The following ARPC2 variants were observed in gnomAD, a reference collection of about 807,000 sequenced individuals.
ARPC2 encodes actin-related protein 2/3 complex subunit 2.
ARPC2 carries 4 observed loss-of-function variants against 38.6 expected under a neutral mutation model. That is an observed-to-expected ratio of 0.10 (90% confidence interval 0.05 to 0.24). The LOEUF (loss-of-function observed/expected upper bound fraction) is 0.24. ARPC2 is among the 10% of genes least tolerant of loss of function. The pLI is 1.00. For missense variants in ARPC2, 229 were observed against 387.3 expected, an observed-to-expected ratio of 0.59 and a Z score of 3.43; for synonymous variants, 125 against 140.8, an observed-to-expected ratio of 0.89 and a Z score of 0.79.
intron 5 of ARPC2, chr2:218,234,802 A>G (rs1242621688): frequency 8.7e-6 from 4 of 460,256 alleles, no homozygotes; most frequent in Admixed American, 4.7e-5. Context: ...TCACCACACT[A>G]TTCTTGTGAT....
At chr2:218,242,512 T>C (rs566854120) in intron 7 of ARPC2, among the ~76,000 whole-genome samples, 20 of 152,352 alleles carry the variant, frequency 1.3e-4, no homozygotes, top group South Asian at 4.1e-4. Flanking sequence ...TGGGTATGTC[T>C]GTAGGATATT....
At chr2:218,240,002 T>A (rs7581857) in intron 7 of ARPC2, among the ~76,000 whole-genome samples, 60,174 of 151,882 alleles carry the variant, frequency 0.4, 12,551 homozygotes, top group Middle Eastern at 0.52. Flanking sequence ...GTCGCCAGGC[T>A]GGAGTGTAGT....
chr2:218,250,488 C>T (rs2106160841), intron 10 of ARPC2, among the ~76,000 whole-genome samples: 1 of 152,084 alleles, frequency 6.6e-6, no homozygotes, highest in African/African-American at 2.4e-5. Context: ...ACGGTGAAAC[C>T]CCATCTTTAC....
intron 4 of ARPC2, among the ~76,000 whole-genome samples, chr2:218,232,233 TC>T (rs1192241186): frequency 6.6e-6 from 1 of 151,600 alleles, no homozygotes; most frequent in Admixed American, 6.6e-5. Context: ...AGAGTGAGAC[TC>T]CGTCTCAAAA....
chr2:218,248,626 A>C (rs1211441510), intron 8 of ARPC2, among the ~76,000 whole-genome samples: 1 of 152,142 alleles, frequency 6.6e-6, no homozygotes, highest in African/African-American at 2.4e-5. Flanking sequence ...ACATGTGGCT[A>C]ATTTTTATAT....
chr2:218,237,377 T>C (rs1288909627), intron 5 of ARPC2, among the ~76,000 whole-genome samples: 2 of 151,980 alleles, frequency 1.3e-5, no homozygotes, highest in Non-Finnish European at 2.9e-5. Flanking sequence ...TTTTGTATTT[T>C]TATTAGAGAC....
At chr2:218,219,954 T>G (rs1559474011) in intron 2 of ARPC2, among the ~76,000 whole-genome samples, 1 of 152,114 alleles carries the variant, frequency 6.6e-6, no homozygotes, top group Admixed American at 6.5e-5. Flanking sequence ...GACATTCCAG[T>G]AAGGTAAGGC....
At chr2:218,222,893 C>T (rs547583573) in intron 2 of ARPC2, among the ~76,000 whole-genome samples, 4 of 152,152 alleles carry the variant, frequency 2.6e-5, no homozygotes, top group African/African-American at 9.7e-5. Context: ...TGCAGGCATC[C>T]TTCACTGTGA....
intron 4 of ARPC2, among the ~76,000 whole-genome samples, chr2:218,230,127 C>T (rs745394508): frequency 6.6e-6 from 1 of 151,930 alleles, no homozygotes; most frequent in Non-Finnish European, 1.5e-5. Context: ...TGCACCGCTA[C>T]ACCTGGCTAA....
chr2:218,222,607 C>T (rs149691342), intron 2 of ARPC2, among the ~76,000 whole-genome samples: 22 of 152,278 alleles, frequency 1.4e-4, no homozygotes, highest in Non-Finnish European at 2.4e-4. Flanking sequence ...TTTCCTTGTA[C>T]TGCTAACCAA....
chr2:218,250,831 G>A (rs1211509641), intron 10 of ARPC2, among the ~76,000 whole-genome samples: 1 of 152,036 alleles, frequency 6.6e-6, no homozygotes, highest in Non-Finnish European at 1.5e-5. Flanking sequence ...TAAGGTAATA[G>A]TGTTCATTTG....
intron 7 of ARPC2, among the ~76,000 whole-genome samples, chr2:218,244,978 G>A (rs1291264758): frequency 6.6e-6 from 1 of 152,200 alleles, no homozygotes; most frequent in Non-Finnish European, 1.5e-5. Context: ...TCCTTTATGA[G>A]CACCAAGACA....
In ARPC2 at chr2:218,234,655, A is replaced by C; in HGVS notation, c.268+258A>C. The C allele has an allele frequency of 5.7e-6, 3 of 524,770 alleles. 1 individual carries two copies. In the South Asian group the frequency reaches 6.1e-5, roughly 11 times the overall value. 32.5% of individuals were successfully genotyped at this position (524,770 alleles called of 1,614,324 possible). A position where few individuals can be genotyped will look rare whatever the true frequency, so the allele number is the denominator to read the frequency against. On this transcript the variant is annotated intron_variant, in intron 5 of 10. Coordinates refer to ENST00000315717, the MANE Select transcript of ARPC2 (RefSeq NM_152862.3). ...TGATGGGGCCACATGACTCTTACTT[A>C]ATCTTTCAGCCAGAGGGCCACATTT...
rs1343867007 is a variant in ARPC2 at position 218,245,455 on chromosome 2, C to A, written c.585C>A (p.Ala195=). The A allele has an allele frequency of 6.2e-7, 1 of 1,614,010 alleles. No homozygotes were observed. Among genetic ancestry groups the A allele is most frequent in the East Asian group, 2.2e-5 (1 of 44,894 alleles). Residue 195 remains alanine, a synonymous_variant, in exon 8 of 11, where the codon GCC becomes GCA. Transcript: ENST00000315717. ...FKEGRRASHT[A]PQVLFSHREP... ...AAGGACGCAGAGCCAGCCACACAGC[C>A]CCACAGGTCCTCTTTAGCCACAGGG...
intron 10 of ARPC2, among the ~76,000 whole-genome samples, chr2:218,252,168 A>G (rs1420748283): frequency 2.0e-5 from 3 of 152,150 alleles, no homozygotes; most frequent in African/African-American, 7.2e-5. Context: ...GGTTGCGGTG[A>G]GCTAAGATCG....
At chr2:218,250,035 T>C (rs1187446833) in intron 10 of ARPC2, 114 bp downstream of exon 10, 11 of 859,534 alleles carry the variant, frequency 1.3e-5, no homozygotes, top group Non-Finnish European at 1.8e-5. Flanking sequence ...ACATATGAGG[T>C]CAGCAGGGCT....
At chr2:218,235,142 C>G (rs963813569) in intron 5 of ARPC2, 4 of 292,610 alleles carry the variant, frequency 1.4e-5, no homozygotes, top group African/African-American at 9.0e-5. Flanking sequence ...CTCTGTCACT[C>G]TTAACAGCAG....
intron 8 of ARPC2, among the ~76,000 whole-genome samples, chr2:218,248,563 C>T (rs6436049): frequency 0.4 from 60,540 of 152,046 alleles, 12,666 homozygotes; most frequent in Middle Eastern, 0.52. Context: ...CGGGTTTAAG[C>T]GATTCTCCTG....
intron 2 of ARPC2, among the ~76,000 whole-genome samples, chr2:218,219,194 C>T (rs1168717304): frequency 6.6e-6 from 1 of 152,146 alleles, no homozygotes; most frequent in African/African-American, 2.4e-5. Context: ...ACATTCTCAT[C>T]TATTTGTGTA....
Sources: gnomAD v4.1 joint callset for allele counts (sites outside exome capture counted in the v4.1 genomes callset) on GRCh38, gnomAD v4.1.1 for gene constraint, MANE v1.5 for transcripts, NCBI Gene and HGNC (gene_info 2026-07-23, HGNC 2026-07-21) for gene names.